Variants in VSTM4 observed in about 807,000 individuals in gnomAD.
The protein encoded by VSTM4 is V-set and transmembrane domain-containing protein 4.
Under a neutral mutation model 36.4 loss-of-function variants are expected in VSTM4, and 20 were observed. The observed-to-expected ratio is 0.55, with a 90% confidence interval of 0.39 to 0.80. VSTM4 has a LOEUF of 0.80. Ranked by LOEUF, VSTM4 falls within the 30% of genes least tolerant of loss-of-function variation. VSTM4 has a pLI of 0.00. For synonymous variants in VSTM4, 182 were observed against 173.9 expected, an observed-to-expected ratio of 1.05 and a Z score of -0.37; for missense variants, 392 against 404.5, an observed-to-expected ratio of 0.97 and a Z score of 0.26.
intron 3 of VSTM4, 25 bp from the exon 4 acceptor site, chr10:49,077,351 A>T: frequency 6.2e-7 from 1 of 1,612,000 alleles, no homozygotes; most frequent in Non-Finnish European, 8.5e-7. Context: ...CAGACACGTG[A>T]GTCAGCCTTC....
In VSTM4 at chr10:49,107,589, C is replaced by T; in HGVS notation, c.457+5G>A. 3 of 1,598,804 alleles carry T rather than the reference C, an allele frequency of 1.9e-6. No homozygotes were observed. The highest frequency in any genetic ancestry group is 1.7e-6 in the Non-Finnish European group (2 of 1,169,726). On this transcript the variant is annotated splice_donor_5th_base_variant and intron_variant, in intron 2 of 7. Coordinates refer to ENST00000332853, the MANE Select transcript of VSTM4 (RefSeq NM_001031746.5). ...ACCTCTACCCAGGGAGACCAAGACC[C>T]TCACCTCTCATTTCCGTGGCTGAGG... is the stretch of plus-strand genomic sequence containing the variant.
chr10:49,104,884 C>G (rs1844738592), intron 2 of VSTM4, among the ~76,000 whole-genome samples: 1 of 119,526 alleles, frequency 8.4e-6, no homozygotes, highest in East Asian at 2.4e-4. Context: ...GACAGAGATA[C>G]AAAGAGAGAG....
At chr10:49,115,295 G>A in intron 1 of VSTM4, 136 bp downstream of exon 1, 1 of 519,672 alleles carries the variant, frequency 1.9e-6, no homozygotes. Context: ...GAGCGCGCTG[G>A]CGACAGTGAC....
At chr10:49,065,015 T>C (rs184899731) in intron 4 of VSTM4, among the ~76,000 whole-genome samples, 3 of 152,284 alleles carry the variant, frequency 2.0e-5, no homozygotes, top group African/African-American at 4.8e-5. Flanking sequence ...GCAGGTTAAG[T>C]TGGGATCCTG....
chr10:49,063,547 T>C (rs1843919864), intron 5 of VSTM4, among the ~76,000 whole-genome samples: 2 of 152,240 alleles, frequency 1.3e-5, no homozygotes, highest in Admixed American at 6.5e-5. Context: ...AGGTTTATCA[T>C]GTAATCTTGG....
chr10:49,078,523 G>GAAA (rs34919134), intron 3 of VSTM4, among the ~76,000 whole-genome samples: 357 of 137,952 alleles, frequency 2.6e-3, no homozygotes, highest in African/African-American at 7.0e-3. Context: ...TACGCTGAGT[G>GAAA]AAAAAAAAAA....
At chr10:49,071,250 A>G (rs1415844628) in intron 4 of VSTM4, among the ~76,000 whole-genome samples, 2 of 152,244 alleles carry the variant, frequency 1.3e-5, no homozygotes, top group African/African-American at 4.8e-5. Flanking sequence ...AAAAGCTCAG[A>G]CACAGAAGGT....
chr10:49,037,906 C>T (rs1414859772), intron 7 of VSTM4, among the ~76,000 whole-genome samples: 2 of 151,274 alleles, frequency 1.3e-5, no homozygotes, highest in South Asian at 4.2e-4. Flanking sequence ...CAATGAGATA[C>T]CACCTCACAC....
intron 5 of VSTM4, among the ~76,000 whole-genome samples, chr10:49,050,805 C>A (rs1365339005): frequency 6.6e-6 from 1 of 152,142 alleles, no homozygotes; most frequent in Non-Finnish European, 1.5e-5. Context: ...GCATGGAAAC[C>A]AAAGAAAATA....
chr10:49,043,690 T>A (rs772622656), intron 7 of VSTM4, among the ~76,000 whole-genome samples: 1 of 152,164 alleles, frequency 6.6e-6, no homozygotes, highest in African/African-American at 2.4e-5. Context: ...AATTAGCAAA[T>A]AATGATTGTT....
chr10:49,067,973 T>A (rs1016646666), intron 4 of VSTM4, among the ~76,000 whole-genome samples: 2 of 152,224 alleles, frequency 1.3e-5, no homozygotes, highest in African/African-American at 4.8e-5. Flanking sequence ...ATCTCTAGAT[T>A]ACTTGTAATA....
At chr10:49,090,836 G>T (rs7094220) in intron 2 of VSTM4, among the ~76,000 whole-genome samples, 3 of 152,232 alleles carry the variant, frequency 2.0e-5, no homozygotes, top group African/African-American at 7.2e-5. Context: ...CCAGCTGCTG[G>T]GAGTGACACC....
Position 49,102,433 on chromosome 10 carries a change from C to A in VSTM4, c.457+5161G>T, listed in dbSNP as rs1279032445. On this transcript the variant is annotated intron_variant, in intron 2 of 7. Coordinates refer to ENST00000332853, the MANE Select transcript of VSTM4 (RefSeq NM_001031746.5). ...ACAGGCGTAAGCCACCATGCCTGGC[C>A]AACTCTTTTATGTATAATATTTTTG... 3.0e-6 allele frequency: 3 copies of A among 985,232 alleles called. No individual in the cohort carries two copies. The African/African-American group carries it at 5.2e-5, about 17-fold the overall frequency. 61.0% of individuals were successfully genotyped at this position (985,232 alleles called of 1,614,324 possible).
chr10:49,061,791 A>T (rs1205901265), intron 5 of VSTM4, among the ~76,000 whole-genome samples: 5 of 152,184 alleles, frequency 3.3e-5, no homozygotes, highest in African/African-American at 1.2e-4. Context: ...TTCCTATAAA[A>T]AGCATACCAG....
At chr10:49,053,461 T>A (rs532109734) in intron 5 of VSTM4, among the ~76,000 whole-genome samples, 1 of 152,204 alleles carries the variant, frequency 6.6e-6, no homozygotes, top group Non-Finnish European at 1.5e-5. Context: ...GAGGTGACCC[T>A]GGGCAAGTCA....
chr10:49,094,043 G>A (rs751973252), intron 2 of VSTM4, among the ~76,000 whole-genome samples: 1 of 152,116 alleles, frequency 6.6e-6, no homozygotes, highest in Non-Finnish European at 1.5e-5. Context: ...CACGGTGCCC[G>A]GCCGTCATAG....
chr10:49,099,072 C>G (rs7899524), intron 2 of VSTM4, among the ~76,000 whole-genome samples: 22,640 of 152,198 alleles, frequency 0.15, 2,091 homozygotes, highest in African/African-American at 0.26. Flanking sequence ...TAGCTTAAAT[C>G]TGTCTGTCTG....
At chr10:49,041,128 A>C (rs1170500642) in intron 7 of VSTM4, among the ~76,000 whole-genome samples, 1 of 152,206 alleles carries the variant, frequency 6.6e-6, no homozygotes, top group African/African-American at 2.4e-5. Context: ...GACCAAACTG[A>C]GACTGAGGTC....
chr10:49,022,302 A>T (rs2377692), intron 7 of VSTM4, among the ~76,000 whole-genome samples: 23,579 of 152,132 alleles, frequency 0.15, 2,349 homozygotes, highest in Non-Finnish European at 0.23. Context: ...TGGACTTTTT[A>T]AAAAAAGTTT....
Sources: allele counts gnomAD v4.1 joint callset (sites outside exome capture counted in the v4.1 genomes callset), GRCh38; gene constraint gnomAD v4.1.1; transcripts MANE v1.5; gene names NCBI Gene and HGNC (gene_info 2026-07-23, HGNC 2026-07-21).